Variants in TXNDC16 observed in about 807,000 individuals in gnomAD.
The protein encoded by TXNDC16 is thioredoxin domain containing 16, also known as thioredoxin domain-containing protein 16.
Under a neutral mutation model 85.6 loss-of-function variants are expected in TXNDC16, and 74 were observed. The ratio of observed to expected loss-of-function variants is 0.86; its 90% CI spans 0.72 to 1.05. The LOEUF (loss-of-function observed/expected upper bound fraction) is 1.05. Ranked by LOEUF, TXNDC16 falls within the 50% of genes least tolerant of loss-of-function variation. The pLI is 0.00. For synonymous variants in TXNDC16, 335 were observed against 326.5 expected (o/e 1.03, Z -0.28); for missense variants, 959 against 947.0 (o/e 1.01, Z -0.17).
chr14:52,536,240 C>A (rs1044583953), intron 6 of TXNDC16, among the ~76,000 whole-genome samples: 2 of 148,542 alleles, frequency 1.3e-5, no homozygotes, highest in African/African-American at 4.9e-5. Context: ...TGTGAGGACA[C>A]AGGGAAAAGA....
At chr14:52,479,324 C>A (rs568612500) in intron 14 of TXNDC16, among the ~76,000 whole-genome samples, 7 of 152,150 alleles carry the variant, frequency 4.6e-5, no homozygotes, top group African/African-American at 1.7e-4. Context: ...AGCAATCAGA[C>A]AAGAGAAAGA....
intron 20 of TXNDC16, among the ~76,000 whole-genome samples, chr14:52,434,493 T>C (rs1333652101): frequency 6.6e-6 from 1 of 152,260 alleles, no homozygotes; most frequent in Non-Finnish European, 1.5e-5. Context: ...ATTCATTTTA[T>C]CTTTACAATT....
chr14:52,548,794 A>C (rs1263494650), intron 1 of TXNDC16, among the ~76,000 whole-genome samples: 2 of 152,164 alleles, frequency 1.3e-5, no homozygotes, highest in African/African-American at 4.8e-5. Context: ...AGGCAGGAGA[A>C]TCACTTTAAC....
At chr14:52,442,302 C>A in intron 18 of TXNDC16, among the ~76,000 whole-genome samples, 1 of 152,134 alleles carries the variant, frequency 6.6e-6, no homozygotes, top group South Asian at 2.1e-4. Flanking sequence ...AGATAGATAA[C>A]CCCCAGCTGA....
intron 16 of TXNDC16, among the ~76,000 whole-genome samples, chr14:52,461,351 T>C (rs1402677445): frequency 6.6e-6 from 1 of 151,964 alleles, no homozygotes; most frequent in Non-Finnish European, 1.5e-5. Context: ...CAAATCTAAA[T>C]ATATTTAGCT....
chr14:52,461,036 T>C (rs1306311476), intron 16 of TXNDC16, among the ~76,000 whole-genome samples: 1 of 151,534 alleles, frequency 6.6e-6, no homozygotes, highest in Non-Finnish European at 1.5e-5. Context: ...TTCTACAATT[T>C]ATTTAGTTTT....
intron 18 of TXNDC16, among the ~76,000 whole-genome samples, chr14:52,450,811 C>T (rs566659389): frequency 6.6e-6 from 1 of 151,124 alleles, no homozygotes; most frequent in Non-Finnish European, 1.5e-5. Flanking sequence ...ACAGAACCAG[C>T]CCAAACGCCC....
chr14:52,457,003 ATC>A, intron 17 of TXNDC16, 85 bp downstream of exon 17: 3 of 934,338 alleles, frequency 3.2e-6, no homozygotes, highest in Non-Finnish European at 4.9e-6. Context: ...ATTTTCCTCC[ATC>A]AGCTGTGTAA....
At chr14:52,480,860 C>T (rs776041959) in intron 14 of TXNDC16, among the ~76,000 whole-genome samples, 1 of 151,354 alleles carries the variant, frequency 6.6e-6, no homozygotes, top group Non-Finnish European at 1.5e-5. Flanking sequence ...TACTTGCACA[C>T]GTTTATAGCA....
chr14:52,550,738 T>C (rs1444009837), intron 1 of TXNDC16, among the ~76,000 whole-genome samples: 1 of 152,202 alleles, frequency 6.6e-6, no homozygotes, highest in Non-Finnish European at 1.5e-5. Context: ...AAGATGCAAA[T>C]AGGCCATGGC....
At chr14:52,449,922 T>C (rs2035369190) in intron 18 of TXNDC16, among the ~76,000 whole-genome samples, 1 of 151,678 alleles carries the variant, frequency 6.6e-6, no homozygotes, top group Non-Finnish European at 1.5e-5. Context: ...ACCCAAACCC[T>C]TGGGATACAC....
intron 9 of TXNDC16, among the ~76,000 whole-genome samples, chr14:52,505,529 C>T (rs138208397): frequency 0.11 from 16,732 of 152,170 alleles, 1,225 homozygotes; most frequent in East Asian, 0.37. Context: ...AGAACAAAGA[C>T]ATGACATACC....
chr14:52,488,706 C>T (rs371366102), intron 11 of TXNDC16, among the ~76,000 whole-genome samples: 2 of 151,428 alleles, frequency 1.3e-5, no homozygotes, highest in African/African-American at 4.9e-5. Flanking sequence ...TGGTGGCGCA[C>T]GCCTGTAATC....
intron 16 of TXNDC16, among the ~76,000 whole-genome samples, chr14:52,468,201 T>C (rs1291818650): frequency 6.6e-6 from 1 of 152,186 alleles, no homozygotes; most frequent in East Asian, 1.9e-4. Context: ...TACTTAATAC[T>C]TGTAAAACAT....
Position 52,490,452 on chromosome 14 carries a change from CT to C in TXNDC16, c.924-2del. 1.9e-6 allele frequency: 3 copies of C among 1,595,320 alleles called. No homozygotes were observed. Among genetic ancestry groups the C allele is most frequent in the African/African-American group, 2.7e-5 (2 of 74,126 alleles). ...AGGAATGTTCACTTCCAAAGAGTCCCTTTTTCAAAATGGAAATAAATGTTTT... is the reference window on the plus strand; with the variant it reads ...AGGAATGTTCACTTCCAAAGAGTCCCTTTTCAAAATGGAAATAAATGTTTT... On this transcript the variant is annotated splice_acceptor_variant, in intron 10 of 20. Coordinates refer to ENST00000281741, the MANE Select transcript of TXNDC16 (RefSeq NM_020784.3). LOFTEE classifies it high-confidence loss of function.
At chr14:52,501,290 A>G (rs2036653405) in intron 9 of TXNDC16, among the ~76,000 whole-genome samples, 1 of 152,226 alleles carries the variant, frequency 6.6e-6, no homozygotes, top group Non-Finnish European at 1.5e-5. Flanking sequence ...AAACACACAT[A>G]CAAAAGCAAT....
chr14:52,513,551 C>T (rs2037005490), intron 8 of TXNDC16, among the ~76,000 whole-genome samples: 1 of 151,928 alleles, frequency 6.6e-6, no homozygotes, highest in African/African-American at 2.4e-5. Flanking sequence ...AAGAAGATAA[C>T]TGTGCATTTT....
chr14:52,529,501 T>C lies in TXNDC16; in HGVS notation c.392+7218A>G, dbSNP rs2037425818. On this transcript the variant is annotated intron_variant, in intron 6 of 20. Coordinates refer to ENST00000281741, the MANE Select transcript of TXNDC16 (RefSeq NM_020784.3). ...AAAAAGAAAAAATACCTACTATATA[T>C]TATATATAATGCCTATTATATATAT... is the stretch of plus-strand genomic sequence containing the variant. 4.5e-5 allele frequency among the ~76,000 whole-genome samples: 6 copies of C among 133,680 alleles called. 2 individuals carry two copies. The South Asian group carries it at 1.4e-3, about 31-fold the overall frequency. The allele number at this position is 133,680 out of a possible 152,430, so 87.7% of individuals were successfully genotyped here.
chr14:52,537,386 A>G (rs2037728046), intron 5 of TXNDC16, among the ~76,000 whole-genome samples: 1 of 152,118 alleles, frequency 6.6e-6, no homozygotes, highest in South Asian at 2.1e-4. Flanking sequence ...CTCACAAACA[A>G]CCTTGTGATG....
Sources: allele counts gnomAD v4.1 joint callset (sites outside exome capture counted in the v4.1 genomes callset), GRCh38; gene constraint gnomAD v4.1.1; transcripts MANE v1.5; gene names NCBI Gene and HGNC (gene_info 2026-07-23, HGNC 2026-07-21).